The following VAMP1 variants were observed in gnomAD, a reference collection of about 807,000 sequenced individuals.
The protein encoded by VAMP1 is vesicle-associated membrane protein 1.
A neutral mutation model predicts 19.1 loss-of-function variants in VAMP1; 16 were observed. That is an observed-to-expected ratio of 0.84 (90% CI 0.57 to 1.27). The LOEUF (loss-of-function observed/expected upper bound fraction) is 1.27, where lower values mean the gene tolerates loss of function less well. VAMP1 is among the 50% of genes most tolerant of loss of function. VAMP1 has a pLI of 0.00. For missense variants in VAMP1, 109 were observed against 145.4 expected (o/e 0.75, Z 1.29); for synonymous variants, 37 against 50.2 (o/e 0.74, Z 1.11).
chr12:6,470,647 A>G lies in VAMP1; in HGVS notation c.-116T>C. 1.0e-5 allele frequency: 14 copies of G among 1,372,234 alleles called. No individual in the cohort carries two copies. Among genetic ancestry groups the G allele is most frequent in the Non-Finnish European group, 1.4e-5 (14 of 979,728 alleles). The allele number at this position is 1,372,234 out of a possible 1,614,324, so 85.0% of individuals were successfully genotyped here. A position where few individuals can be genotyped will look rare whatever the true frequency, so the allele number is the denominator to read the frequency against. ...TGCCAAGCTCCGCCTCGCGCCGACT[A>G]CCCCGCGGTCTAGCTGCGCTGGAAC... On this transcript the variant is annotated 5_prime_UTR_variant, in exon 1 of 5. Coordinates refer to ENST00000396308, the MANE Select transcript of VAMP1 (RefSeq NM_014231.5).
Position 6,462,715 on chromosome 12 carries a change from C to T in VAMP1, c.*1755G>A. 2 of 1,092,646 alleles carry T rather than the reference C, an allele frequency of 1.8e-6. No homozygotes were observed. Among genetic ancestry groups the T allele is most frequent in the Admixed American group, 5.3e-5 (2 of 37,948 alleles). The allele number at this position is 1,092,646 out of a possible 1,614,324, so 67.7% of individuals were successfully genotyped here. ...CTCCAGGCTTGGGACACATCGAGGA[C>T]AGTGGTGGTTCTTCTCCAGCGGTGA... On this transcript the variant is annotated 3_prime_UTR_variant, in exon 5 of 5. Coordinates refer to ENST00000396308, the MANE Select transcript of VAMP1 (RefSeq NM_014231.5).
At chr12:6,465,730 G>T in intron 3 of VAMP1, 112 bp downstream of exon 3, 1 of 1,407,534 alleles carries the variant, frequency 7.1e-7, no homozygotes, top group Non-Finnish European at 9.6e-7. Flanking sequence ...GCGTTATGCT[G>T]GTCAGAGAGA....
At position 6,462,559 on chromosome 12, in the gene VAMP1, G is replaced by A. The variant is rs935821174; in HGVS notation, c.*1911C>T. 87 of 554,514 alleles carry A rather than the reference G, an allele frequency of 1.6e-4. 2 individuals carry two copies. The South Asian group carries it at 1.9e-3, about 12-fold the overall frequency. The allele number at this position is 554,514 out of a possible 1,614,324, so 34.3% of individuals were successfully genotyped here. A position where few individuals can be genotyped will look rare whatever the true frequency, so the allele number is the denominator to read the frequency against. ...AGACACACAGAAGAGGGTACAGGGT[G>A]GGTGAGAAAGAAAGTAGAAGGGCTA... On this transcript the variant is annotated 3_prime_UTR_variant, in exon 5 of 5. Transcript: ENST00000396308.
chr12:6,464,648 C>T (rs1358561292), intron 4 of VAMP1, 162 bp from the exon 5 acceptor site: 8 of 1,458,336 alleles, frequency 5.5e-6, no homozygotes, highest in East Asian at 2.5e-5. Context: ...CACAGCATAG[C>T]CCCACTTCCT....
chr12:6,466,406 GGCGTGGTAGCACACACCTGTA>G, intron 1 of VAMP1, 55 bp from the exon 2 acceptor site: 1 of 1,574,020 alleles, frequency 6.4e-7, no homozygotes, highest in Non-Finnish European at 8.6e-7. Context: ...AAAGGAGCTG[GGCGTGGTAGCACACACCTGTA>G]GTCCCAGCTA....
At chr12:6,466,070 A>T (rs1950016735) in intron 2 of VAMP1, 70 bp from the exon 3 acceptor site, 1 of 1,611,856 alleles carries the variant, frequency 6.2e-7, no homozygotes, top group Non-Finnish European at 8.5e-7. Flanking sequence ...ACAACCAGAG[A>T]ATCACAAGTC....
chr12:6,465,383 T>TATATATAC lies in VAMP1; in HGVS notation c.289-443_289-442insGTATATAT, dbSNP rs1555130168. On this transcript the variant is annotated intron_variant, in intron 3 of 4. Coordinates refer to ENST00000396308, the MANE Select transcript of VAMP1 (RefSeq NM_014231.5). ...GTATATATATATATAAATGTATATATATGTATATATATATATAAATGTATA... is the reference window on the plus strand; with the variant it reads ...GTATATATATATATAAATGTATATATATATATACATGTATATATATATATAAATGTATA... The TATATATAC allele has an allele frequency of 1.0e-4, 9 of 87,392 alleles. 1 individual carries two copies. Among genetic ancestry groups the TATATATAC allele is most frequent in the Admixed American group, 5.1e-4 (4 of 7,894 alleles). The allele number at this position is 87,392 out of a possible 1,614,324, so 5.4% of individuals were successfully genotyped here.
In VAMP1 at chr12:6,462,342, C is replaced by T. The variant is rs1332968522; in HGVS notation, c.*2128G>A. On this transcript the variant is annotated 3_prime_UTR_variant, in exon 5 of 5. Coordinates refer to ENST00000396308, the MANE Select transcript of VAMP1 (RefSeq NM_014231.5). ...GTACAACTGTTGTTATTACTCTATA[C>T]AAGTATGAGATCAGGGTTAGGAAAA... The T allele has an allele frequency of 3.6e-6, 2 of 556,244 alleles. No homozygotes were observed. Among genetic ancestry groups the T allele is most frequent in the African/African-American group, 1.9e-5 (1 of 52,972 alleles). The allele number at this position is 556,244 out of a possible 1,614,324, so 34.5% of individuals were successfully genotyped here.
rs546318440 is a variant in VAMP1 at position 6,463,178 on chromosome 12, A to C, written c.*1292T>G. ...AAACCATGCAAAGAGGAGGAAGAGA[A>C]AGGAGGCAAAGTAGAATTCAGACAG... On this transcript the variant is annotated 3_prime_UTR_variant, in exon 5 of 5. Coordinates refer to ENST00000396308, the MANE Select transcript of VAMP1 (RefSeq NM_014231.5). The surrounding 1 kb of genome is among the most constrained non-coding windows in gnomAD (Gnocchi z 4.0). 1 of 1,440,060 alleles carries C rather than the reference A, an allele frequency of 6.9e-7. No homozygotes were observed. The highest frequency in any genetic ancestry group is 1.4e-5 in the African/African-American group (1 of 70,076). 89.2% of individuals were successfully genotyped at this position (1,440,060 alleles called of 1,614,324 possible). A position where few individuals can be genotyped will look rare whatever the true frequency, so the allele number is the denominator to read the frequency against.
In VAMP1 at chr12:6,463,732, GA is replaced by G. The variant is rs1205169549; in HGVS notation, c.*737del. On this transcript the variant is annotated 3_prime_UTR_variant, in exon 5 of 5. Coordinates refer to ENST00000396308, the MANE Select transcript of VAMP1 (RefSeq NM_014231.5). The surrounding 1 kb of genome is among the most constrained non-coding windows in gnomAD (Gnocchi z 4.0). Reference sequence around the variant, plus strand: ...TACAGAATGCTGTAGAAAATGTAAAGAAGAGAAAGCTCCTTCCAGCTAGAAG... The same window carrying G: ...TACAGAATGCTGTAGAAAATGTAAAGAGAGAAAGCTCCTTCCAGCTAGAAG... 2 of 1,156,470 alleles carry G rather than the reference GA, an allele frequency of 1.7e-6. No homozygotes were observed. Among genetic ancestry groups the G allele is most frequent in the African/African-American group, 3.2e-5 (2 of 61,622 alleles). 71.6% of individuals were successfully genotyped at this position (1,156,470 alleles called of 1,614,324 possible). A position where few individuals can be genotyped will look rare whatever the true frequency, so the allele number is the denominator to read the frequency against.
chr12:6,462,499 T>C lies in VAMP1; in HGVS notation c.*1971A>G. 1 of 493,996 alleles carries C rather than the reference T, an allele frequency of 2.0e-6. No individual in the cohort carries two copies. Among genetic ancestry groups the C allele is most frequent in the Non-Finnish European group, 3.6e-6 (1 of 277,998 alleles). 30.6% of individuals were successfully genotyped at this position (493,996 alleles called of 1,614,324 possible). ...CAGGGTTTTGTTGCACATTTGCTCA[T>C]GCACATGGGTGGTGGGAGGAAAGGG... On this transcript the variant is annotated 3_prime_UTR_variant, in exon 5 of 5. Transcript: ENST00000396308.
intron 1 of VAMP1, among the ~76,000 whole-genome samples, chr12:6,469,196 A>G (rs76447503): frequency 0.012 from 1,752 of 152,316 alleles, 11 homozygotes; most frequent in Non-Finnish European, 0.018. Context: ...TGGGAGCCAC[A>G]AGACTCTTGT....
intron 1 of VAMP1, chr12:6,466,578 T>G: frequency 2.4e-6 from 1 of 411,634 alleles, no homozygotes; most frequent in Non-Finnish European, 4.4e-6. Flanking sequence ...CTTAAACAAT[T>G]ATGATTAGGC....
At chr12:6,470,499 G>A (rs1192937214) in intron 1 of VAMP1, 31 bp downstream of exon 1, 2 of 1,613,800 alleles carry the variant, frequency 1.2e-6, no homozygotes, top group African/African-American at 1.3e-5. Context: ...TGTCAAGGAG[G>A]TGCCGAGCCC....
chr12:6,465,124 A>T, intron 3 of VAMP1, 183 bp from the exon 4 acceptor site: 1 of 775,518 alleles, frequency 1.3e-6, no homozygotes, highest in Non-Finnish European at 2.0e-6. Flanking sequence ...GATCATAACC[A>T]CAGTATGTCT....
intron 1 of VAMP1, among the ~76,000 whole-genome samples, chr12:6,467,594 T>G (rs1945660370): frequency 6.6e-6 from 1 of 152,154 alleles, no homozygotes; most frequent in Non-Finnish European, 1.5e-5. Flanking sequence ...TGAGAAGAAA[T>G]TCAAGGCAGC....
In VAMP1 at chr12:6,465,925, C is replaced by G; in HGVS notation, c.205G>C (p.Ala69Pro). 6.2e-7 allele frequency: 1 copy of G among 1,614,260 alleles called. No homozygotes were observed. The highest frequency in any genetic ancestry group is 8.5e-7 in the Non-Finnish European group (1 of 1,180,046). Residue 69 changes from alanine to proline, a missense_variant, in exon 3 of 5, where the codon GCT becomes CCT. By Grantham distance (27) the Ala-to-Pro change is conservative (BLOSUM62 -1). Coordinates refer to ENST00000396308, the MANE Select transcript of VAMP1 (RefSeq NM_014231.5). ...GATGCTCCTGCCTGCAAGGCATCAG[C>G]TCGGTCATCCAGCTCTGACAGCTTC... ...DQKLSELDDR[A>P]DALQAGASQF...
chr12:6,470,629 C>T lies in VAMP1; in HGVS notation c.-98G>A. ...GGCTGAAGTGGACGGAACTGCCAAG[C>T]TCCGCCTCGCGCCGACTACCCCGCG... On this transcript the variant is annotated 5_prime_UTR_variant, in exon 1 of 5. Transcript: ENST00000396308. 2.6e-6 allele frequency: 4 copies of T among 1,528,896 alleles called. No individual in the cohort carries two copies. The highest frequency in any genetic ancestry group is 2.3e-5 in the East Asian group (1 of 43,166). The allele number at this position is 1,528,896 out of a possible 1,614,324, so 94.7% of individuals were successfully genotyped here.
Position 6,464,331 on chromosome 12 carries a change from GA to G in VAMP1, c.*138del. On this transcript the variant is annotated 3_prime_UTR_variant, in exon 5 of 5. Transcript: ENST00000396308. ...GGGACAGAGTGCAAATGAACGCAACGAAAAAGGAGGAATGGGTGATGGAGAA... is the reference window on the plus strand; with the variant it reads ...GGGACAGAGTGCAAATGAACGCAACGAAAAGGAGGAATGGGTGATGGAGAA... 1 of 1,549,374 alleles carries G rather than the reference GA, an allele frequency of 6.5e-7. No homozygotes were observed. The highest frequency in any genetic ancestry group is 8.7e-7 in the Non-Finnish European group (1 of 1,145,932).
Sources: gnomAD v4.1 joint callset for allele counts (sites outside exome capture counted in the v4.1 genomes callset) on GRCh38, gnomAD v4.1.1 for gene constraint, Gnocchi (gnomAD v3.1) non-coding constraint, MANE v1.5 for transcripts, NCBI Gene and HGNC (gene_info 2026-07-23, HGNC 2026-07-21) for gene names.